Variants in DPY19L2 observed in about 807,000 individuals in gnomAD.
The protein encoded by DPY19L2 is dpy-19 like 2.
Under a neutral mutation model 97.9 loss-of-function variants are expected in DPY19L2, and 34 were observed. The observed-to-expected ratio is 0.35, with a 90% CI of 0.26 to 0.46. The LOEUF is 0.46. DPY19L2 is among the 20% of genes least tolerant of loss of function. DPY19L2 has a pLI of 1.00. For missense variants in DPY19L2, 623 were observed against 911.4 expected (o/e 0.68, Z 4.07); for synonymous variants, 230 against 307.9 (o/e 0.75, Z 2.65).
At chr12:63,566,436 A>G (rs1296851046) in intron 21 of DPY19L2, among the ~76,000 whole-genome samples, 1 of 152,034 alleles carries the variant, frequency 6.6e-6, no homozygotes, top group Non-Finnish European at 1.5e-5. Flanking sequence ...ATAGCCACAC[A>G]TACTATACTC....
At chr12:63,566,836 A>G (rs1176967042) in intron 21 of DPY19L2, among the ~76,000 whole-genome samples, 1 of 151,092 alleles carries the variant, frequency 6.6e-6, no homozygotes, top group African/African-American at 2.4e-5. Flanking sequence ...TAGGTTAGTT[A>G]TATGTTTAGG....
chr12:63,625,134 C>T (rs1279644902), intron 7 of DPY19L2, among the ~76,000 whole-genome samples: 12 of 152,132 alleles, frequency 7.9e-5, no homozygotes, highest in Non-Finnish European at 1.0e-4. Flanking sequence ...TGGTGGCTCA[C>T]GCCTGTAATC....
chr12:63,594,270 G>C (rs2939876), intron 15 of DPY19L2, 137 bp from the exon 16 acceptor site: 1 of 611,916 alleles, frequency 1.6e-6, no homozygotes, highest in Non-Finnish European at 2.8e-6. Context: ...GGAACAGGAC[G>C]GTCATACTAT....
chr12:63,653,377 T>C (rs187639878), intron 4 of DPY19L2, among the ~76,000 whole-genome samples: 6 of 152,058 alleles, frequency 3.9e-5, no homozygotes, highest in South Asian at 2.1e-4. Flanking sequence ...CTGAGCAACA[T>C]AGTGAAACCC....
In DPY19L2 at chr12:63,647,233, G is replaced by C; in HGVS notation, c.709+12C>G. 4 of 1,486,560 alleles carry C rather than the reference G, an allele frequency of 2.7e-6. No individual in the cohort carries two copies. The highest frequency in any genetic ancestry group is 1.8e-6 in the Non-Finnish European group (2 of 1,113,008). The allele number at this position is 1,486,560 out of a possible 1,614,324, so 92.1% of individuals were successfully genotyped here. A position where few individuals can be genotyped will look rare whatever the true frequency, so the allele number is the denominator to read the frequency against. On this transcript the variant is annotated intron_variant, in intron 5 of 21. Transcript: ENST00000324472. ...ATGTTTACAAATGACAGCATTTTTG[G>C]AAGAAACATGCCTTCACAGCTTTGA...
At chr12:63,565,631 C>G (rs1405233938) in intron 21 of DPY19L2, among the ~76,000 whole-genome samples, 1 of 152,092 alleles carries the variant, frequency 6.6e-6, no homozygotes, top group Non-Finnish European at 1.5e-5. Context: ...ACATGGCCAT[C>G]GTGGGGGGCT....
At chr12:63,629,686 C>G (rs936947293) in intron 6 of DPY19L2, among the ~76,000 whole-genome samples, 22 of 152,168 alleles carry the variant, frequency 1.4e-4, no homozygotes, top group African/African-American at 5.3e-4. Flanking sequence ...GCAAGGCAGG[C>G]CAACATTCAA....
intron 4 of DPY19L2, among the ~76,000 whole-genome samples, chr12:63,655,824 T>C (rs919053753): frequency 6.6e-6 from 1 of 152,144 alleles, no homozygotes; most frequent in African/African-American, 2.4e-5. Flanking sequence ...CTGAGCACTC[T>C]TGCTAATCTT....
intron 21 of DPY19L2, among the ~76,000 whole-genome samples, chr12:63,566,063 C>T (rs1294191454): frequency 6.6e-6 from 1 of 152,054 alleles, no homozygotes; most frequent in Admixed American, 6.6e-5. Context: ...AGCCAATATA[C>T]ATATCTGTAT....
intron 21 of DPY19L2, among the ~76,000 whole-genome samples, chr12:63,562,941 G>A (rs1297856094): frequency 2.0e-5 from 3 of 151,682 alleles, no homozygotes; most frequent in South Asian, 2.1e-4. Context: ...GATTATATGC[G>A]CCCACCATCA....
chr12:63,630,643 T>C (rs1365518572), intron 6 of DPY19L2, among the ~76,000 whole-genome samples: 5 of 151,890 alleles, frequency 3.3e-5, no homozygotes, highest in Non-Finnish European at 5.9e-5. Context: ...CCATTGTCAA[T>C]ATTAGACAGA....
At chr12:63,607,364 AT>A (rs1886222612) in intron 12 of DPY19L2, among the ~76,000 whole-genome samples, 2 of 152,302 alleles carry the variant, frequency 1.3e-5, no homozygotes, top group South Asian at 4.1e-4. Context: ...TGTAATGTCG[AT>A]ATGTGAATTT....
rs1890955376 is a variant in DPY19L2, at chr12:63,632,860, A to T, written c.804-6334T>A. Among the ~76,000 whole-genome samples the T allele has an allele frequency of 3.3e-5, 5 of 152,172 alleles. No individual in the cohort carries two copies. In the South Asian group the frequency reaches 1.0e-3, roughly 32 times the overall value. The stretch of plus-strand genomic sequence containing the variant: ...CAAAACAGCATGGTACTGGTACCAA[A>T]ACTGAGATATAGACCAATGGAACAG... On this transcript the variant is annotated intron_variant, in intron 6 of 21. Coordinates refer to ENST00000324472, the MANE Select transcript of DPY19L2 (RefSeq NM_173812.5).
At chr12:63,623,839 G>A in intron 8 of DPY19L2, 1 of 408,080 alleles carries the variant, frequency 2.5e-6, no homozygotes, top group East Asian at 5.3e-5. Flanking sequence ...CAAGTAGCTG[G>A]GATGACAGAT....
chr12:63,580,345 G>A lies in DPY19L2; in HGVS notation c.1900+317C>T, dbSNP rs1395452818. ...TACTTCTTTGATTTGTCATTGTTAT[G>A]GTTAAAATGCTATAATGCTGTCTGA... On this transcript the variant is annotated intron_variant, in intron 19 of 21. Coordinates refer to ENST00000324472, the MANE Select transcript of DPY19L2 (RefSeq NM_173812.5). Among the ~76,000 whole-genome samples, 8 of 152,140 alleles carry A rather than the reference G, an allele frequency of 5.3e-5. No homozygotes were observed. In the South Asian group the frequency reaches 8.3e-4, roughly 16 times the overall value.
At chr12:63,640,948 A>G (rs1356983091) in intron 6 of DPY19L2, among the ~76,000 whole-genome samples, 1 of 152,136 alleles carries the variant, frequency 6.6e-6, no homozygotes, top group East Asian at 1.9e-4. Flanking sequence ...GCTGGAGTGC[A>G]GTGGCGCAAT....
chr12:63,641,767 T>A (rs1253993596), intron 6 of DPY19L2, among the ~76,000 whole-genome samples: 1 of 152,144 alleles, frequency 6.6e-6, no homozygotes, highest in Non-Finnish European at 1.5e-5. Context: ...TACTATATTA[T>A]TGTATGTACT....
In DPY19L2 at chr12:63,668,413, G is replaced by A; in HGVS notation, c.-20C>T. 2 of 1,577,272 alleles carry A rather than the reference G, an allele frequency of 1.3e-6. No homozygotes were observed. Among genetic ancestry groups the A allele is most frequent in the Non-Finnish European group, 1.7e-6 (2 of 1,162,576 alleles). The stretch of plus-strand genomic sequence containing the variant: ...TCTCATAATCAAGGAGTATGGTGGA[G>A]CTGGGTCAATTTCAGGCACAGCCCA... On this transcript the variant is annotated 5_prime_UTR_variant, in exon 1 of 22. Transcript: ENST00000324472.
intron 19 of DPY19L2, among the ~76,000 whole-genome samples, chr12:63,572,798 A>G (rs1365936663): frequency 6.6e-6 from 1 of 152,076 alleles, no homozygotes; most frequent in Non-Finnish European, 1.5e-5. Context: ...CTGCCTGCTA[A>G]TCCTGAGAAT....
Sources: allele counts gnomAD v4.1 joint callset (sites outside exome capture counted in the v4.1 genomes callset), GRCh38; gene constraint gnomAD v4.1.1; transcripts MANE v1.5; gene names NCBI Gene and HGNC (gene_info 2026-07-23, HGNC 2026-07-21).